Variants in ADAMTS19 observed in about 807,000 individuals in gnomAD.
The protein encoded by ADAMTS19 is A disintegrin and metalloproteinase with thrombospondin motifs 19.
ADAMTS19 carries 93 observed loss-of-function variants against 153.3 expected under a neutral mutation model. That is an observed-to-expected ratio of 0.61 (90% CI 0.51 to 0.72). The LOEUF (loss-of-function observed/expected upper bound fraction) is 0.72. Ranked by LOEUF, ADAMTS19 falls within the 30% of genes least tolerant of loss-of-function variation. The pLI, the probability that ADAMTS19 is intolerant of heterozygous loss-of-function variation, is 0.00. For synonymous variants in ADAMTS19, 600 were observed against 556.6 expected, an observed-to-expected ratio of 1.08 and a Z score of -1.10; for missense variants, 1,482 against 1,552.1, an observed-to-expected ratio of 0.95 and a Z score of 0.76.
At chr5:129,593,699 C>T (rs1377585754) in intron 7 of ADAMTS19, among the ~76,000 whole-genome samples, 1 of 152,110 alleles carries the variant, frequency 6.6e-6, no homozygotes, top group East Asian at 1.9e-4. Context: ...ATCTGCAAAA[C>T]GTCAACCTAA....
At chr5:129,642,484 T>C (rs938150622) in intron 11 of ADAMTS19, among the ~76,000 whole-genome samples, 3 of 152,216 alleles carry the variant, frequency 2.0e-5, no homozygotes, top group Non-Finnish European at 4.4e-5. Flanking sequence ...TTTGTTAGTA[T>C]ACATTTCCAG....
At chr5:129,580,690 T>C (rs1749470475) in intron 7 of ADAMTS19, among the ~76,000 whole-genome samples, 1 of 152,180 alleles carries the variant, frequency 6.6e-6, no homozygotes, top group African/African-American at 2.4e-5. Flanking sequence ...ATTGAGATAA[T>C]TGTGTCATTT....
chr5:129,635,978 C>A (rs1267647674), intron 10 of ADAMTS19, among the ~76,000 whole-genome samples: 13 of 152,156 alleles, frequency 8.5e-5, no homozygotes, highest in Admixed American at 8.5e-4. Context: ...CTTACTGCAA[C>A]CTCCAGCTCC....
intron 13 of ADAMTS19, 92 bp from the exon 14 acceptor site, chr5:129,654,214 T>A (rs1387522603): frequency 2.5e-6 from 3 of 1,220,228 alleles, no homozygotes; most frequent in East Asian, 4.9e-5. Flanking sequence ...ATTATATTTT[T>A]TACTCAATAA....
rs767295695 is a variant in ADAMTS19, at chr5:129,665,628, C to T, written c.2506+49C>T. 3.5e-6 allele frequency: 5 copies of T among 1,416,894 alleles called. No homozygotes were observed. In the African/African-American group the frequency reaches 5.7e-5, roughly 16 times the overall value. 87.8% of individuals were successfully genotyped at this position (1,416,894 alleles called of 1,614,324 possible). ...GAAGATCCAAGTACGAGCCCAACTC[C>T]CTGCCCTGAGAGTTCTATGATGAGG... On this transcript the variant is annotated intron_variant, in intron 16 of 22. Transcript: ENST00000274487.
intron 2 of ADAMTS19, among the ~76,000 whole-genome samples, chr5:129,498,253 C>CT (rs1246746677): frequency 1.3e-5 from 2 of 151,988 alleles, no homozygotes; most frequent in African/African-American, 2.4e-5. Context: ...TTCAATCTTT[C>CT]TTTTAAATTA....
intron 2 of ADAMTS19, among the ~76,000 whole-genome samples, chr5:129,471,897 G>A (rs1395486190): frequency 6.6e-6 from 1 of 152,084 alleles, no homozygotes; most frequent in African/African-American, 2.4e-5. Context: ...ATTCTTTTAG[G>A]GCTGCACAGT....
chr5:129,505,315 C>T (rs941673407), intron 2 of ADAMTS19, among the ~76,000 whole-genome samples: 7 of 152,164 alleles, frequency 4.6e-5, no homozygotes, highest in Admixed American at 6.6e-5. Context: ...ATAGTTGAAG[C>T]GAAATAGTCA....
In ADAMTS19 at chr5:129,461,323, T is replaced by C; in HGVS notation, c.313T>C (p.Ser105Pro). Reference protein sequence around the residue: ...VPLEEPVEGRSESRLRPPPPS... With the variant: ...VPLEEPVEGRPESRLRPPPPS... ...TTTGGAGGAGCCCGTGGAGGGCCGA[T>C]CAGAGTCCCGGCTCCGGCCCCCGCC... The change falls in exon 2 of 23, where the codon TCA becomes CCA. Residue 105 changes from serine (S) to proline (P), a missense_variant. By Grantham distance (74) the Ser-to-Pro change is moderately conservative (BLOSUM62 -1). Around this residue, in one of 2 missense-constraint regions of ADAMTS19, gnomAD observed 866 missense variants for 827.7 expected, o/e 1.05. Coordinates refer to ENST00000274487, the MANE Select transcript of ADAMTS19 (RefSeq NM_133638.6). The surrounding 1 kb of genome is among the most constrained non-coding windows in gnomAD (Gnocchi z 4.6). 1 of 1,328,626 alleles carries C rather than the reference T, an allele frequency of 7.5e-7. No homozygotes were observed. The highest frequency in any genetic ancestry group is 2.2e-5 in the South Asian group (1 of 45,412). 82.3% of individuals were successfully genotyped at this position (1,328,626 alleles called of 1,614,324 possible). A position where few individuals can be genotyped will look rare whatever the true frequency, so the allele number is the denominator to read the frequency against.
chr5:129,669,414 C>T (rs1754198954), intron 16 of ADAMTS19, among the ~76,000 whole-genome samples: 1 of 151,980 alleles, frequency 6.6e-6, no homozygotes, highest in South Asian at 2.1e-4. Context: ...GTTTATAATA[C>T]TCTCATAATC....
At chr5:129,495,492 A>T (rs1284081095) in intron 2 of ADAMTS19, among the ~76,000 whole-genome samples, 2 of 152,126 alleles carry the variant, frequency 1.3e-5, no homozygotes, top group Non-Finnish European at 1.5e-5. Context: ...GGTGCTTAAG[A>T]TACAGAATCA....
In ADAMTS19 at chr5:129,461,881, C is replaced by G; in HGVS notation, c.747+124C>G. ...TGCTCCTTTTGAGCTTGGCCCTAGA[C>G]TGCACCCCCAGGTGTCTACATCGTT... is the stretch of plus-strand genomic sequence containing the variant. On this transcript the variant is annotated intron_variant, in intron 2 of 22. Transcript: ENST00000274487. This position sits in a 1 kb window ranked among gnomAD's most constrained non-coding sequence, Gnocchi z 4.6. The G allele has an allele frequency of 1.5e-6, 2 of 1,338,216 alleles. No homozygotes were observed. Among genetic ancestry groups the G allele is most frequent in the Non-Finnish European group, 1.9e-6 (2 of 1,035,356 alleles). 82.9% of individuals were successfully genotyped at this position (1,338,216 alleles called of 1,614,324 possible). A position where few individuals can be genotyped will look rare whatever the true frequency, so the allele number is the denominator to read the frequency against.
chr5:129,537,141 A>T (rs2126789625), intron 6 of ADAMTS19, among the ~76,000 whole-genome samples: 1 of 152,278 alleles, frequency 6.6e-6, no homozygotes, highest in East Asian at 1.9e-4. Context: ...TTCTCAAAAG[A>T]AGACATTTAT....
At chr5:129,683,926 C>T (rs1311107702) in intron 17 of ADAMTS19, among the ~76,000 whole-genome samples, 194 bp from the exon 18 acceptor site, 1 of 150,886 alleles carries the variant, frequency 6.6e-6, no homozygotes, top group Non-Finnish European at 1.5e-5. Flanking sequence ...AAAAGCATGG[C>T]AATATCTACA....
At chr5:129,702,906 G>A (rs1338883225) in intron 20 of ADAMTS19, among the ~76,000 whole-genome samples, 1 of 104,196 alleles carries the variant, frequency 9.6e-6, no homozygotes, top group African/African-American at 3.9e-5. Flanking sequence ...TCAATTTTAT[G>A]AATCAGGCAT....
Position 129,498,118 on chromosome 5 carries a change from C to T in ADAMTS19, c.748-10959C>T, listed in dbSNP as rs1321005871. Reference sequence around the variant, plus strand: ...TATCACTGCCTCAGTCTCCACACCACCTGTCAGTTTTTAACTGAGTTTGGC... The same window carrying T: ...TATCACTGCCTCAGTCTCCACACCATCTGTCAGTTTTTAACTGAGTTTGGC... On this transcript the variant is annotated intron_variant, in intron 2 of 22. Transcript: ENST00000274487. 2.6e-5 allele frequency among the ~76,000 whole-genome samples: 4 copies of T among 152,054 alleles called. No individual in the cohort carries two copies. In the South Asian group the frequency reaches 8.3e-4, roughly 31 times the overall value.
chr5:129,468,657 T>C (rs1030067294), intron 2 of ADAMTS19, among the ~76,000 whole-genome samples: 1 of 152,184 alleles, frequency 6.6e-6, no homozygotes, highest in African/African-American at 2.4e-5. Context: ...TGGCCAAAGA[T>C]TGATGTTATC....
At position 129,662,302 on chromosome 5, in the gene ADAMTS19, C is replaced by T. The variant is rs532983801; in HGVS notation, c.2426-3197C>T. On this transcript the variant is annotated intron_variant, in intron 15 of 22. Transcript: ENST00000274487. ...AAAGTACACACAAGGATCAAATTTA[C>T]GATATTGACTTCACTGGCTTCATGA... Among the ~76,000 whole-genome samples, 8 of 152,280 alleles carry T rather than the reference C, an allele frequency of 5.3e-5. No homozygotes were observed. In the East Asian group the frequency reaches 5.8e-4, roughly 11 times the overall value.
At chr5:129,466,081 C>T (rs77457762) in intron 2 of ADAMTS19, among the ~76,000 whole-genome samples, 3,302 of 152,224 alleles carry the variant, frequency 0.022, 134 homozygotes, top group African/African-American at 0.075. Context: ...TGCCAAGCAC[C>T]GGAAGCCACA....
Sources: gnomAD v4.1 joint callset for allele counts (sites outside exome capture counted in the v4.1 genomes callset) on GRCh38, gnomAD v4.1.1 for gene constraint, gnomAD v4.1.1 regional missense constraint, Gnocchi (gnomAD v3.1) non-coding constraint, MANE v1.5 for transcripts, NCBI Gene and HGNC (gene_info 2026-07-23, HGNC 2026-07-21) for gene names.